Variants in TIMM23 observed in about 807,000 individuals in gnomAD.
TIMM23 encodes translocase of inner mitochondrial membrane 23, also known as mitochondrial import inner membrane translocase subunit Tim23.
TIMM23 carries 19 observed loss-of-function variants against 30.7 expected under a neutral mutation model. That is an observed-to-expected ratio of 0.62 (90% confidence interval 0.43 to 0.91). TIMM23 has a LOEUF of 0.91. Ranked by LOEUF, TIMM23 falls within the 40% of genes least tolerant of loss-of-function variation. The probability of loss-of-function intolerance (pLI) is 0.00; values close to 1 mark genes in which losing one functional copy is unlikely to be tolerated. For missense variants in TIMM23, 202 were observed against 269.2 expected, an observed-to-expected ratio of 0.75 and a Z score of 1.75; for synonymous variants, 78 against 98.5, an observed-to-expected ratio of 0.79 and a Z score of 1.23.
chr10:45,980,430 C>G (rs1343830705), intron 2 of TIMM23, among the ~76,000 whole-genome samples: 1 of 151,944 alleles, frequency 6.6e-6, no homozygotes, highest in African/African-American at 2.4e-5. Context: ...TGTAGTTTCT[C>G]TTACTAATGC....
chr10:46,002,180 T>G (rs1216843369), intron 6 of TIMM23, among the ~76,000 whole-genome samples: 1 of 152,010 alleles, frequency 6.6e-6, no homozygotes, highest in Non-Finnish European at 1.5e-5. Context: ...ATTATAGCTA[T>G]CTTACCACAT....
chr10:45,989,397 T>G (rs1838091226), intron 6 of TIMM23, among the ~76,000 whole-genome samples: 2 of 152,354 alleles, frequency 1.3e-5, no homozygotes, highest in Non-Finnish European at 2.9e-5. Context: ...ATATTTGGGT[T>G]GCTTCTACCT....
At chr10:45,990,613 G>A (rs1838138591) in intron 6 of TIMM23, 1 of 384,042 alleles carries the variant, frequency 2.6e-6, no homozygotes, top group Non-Finnish European at 5.0e-6. Context: ...ATCGGAGATG[G>A]GGTCTCACTG....
intron 6 of TIMM23, among the ~76,000 whole-genome samples, chr10:45,992,219 C>G (rs1838185910): frequency 6.6e-6 from 1 of 152,210 alleles, no homozygotes; most frequent in East Asian, 1.9e-4. Flanking sequence ...CCACCTCAGC[C>G]TCCTGAGTTG....
Position 45,972,688 on chromosome 10 carries a change from G to A in TIMM23, c.64G>A (p.Gly22Ser), listed in dbSNP as rs1554911981. ...GGGATTGGCCGGCTTTTTCGGAGCCGGCGGAGCAGGTTACTCGCACGCGGA... is the reference window on the plus strand; with the variant it reads ...GGGATTGGCCGGCTTTTTCGGAGCCAGCGGAGCAGGTTACTCGCACGCGGA... ...TGGLAGFFGAGGAGYSHADLA... is the reference protein window; with the variant it reads ...TGGLAGFFGASGAGYSHADLA... Residue 22 changes from glycine (G) to serine (S), a missense_variant, in exon 1 of 7, where the codon GGC (glycine) becomes AGC (serine). Physicochemically the swap from Gly to Ser is moderately conservative, Grantham distance 56. Transcript: ENST00000580018. 1 of 1,614,010 alleles carries A rather than the reference G, an allele frequency of 6.2e-7. No homozygotes were observed. Among genetic ancestry groups the A allele is most frequent in the Admixed American group, 1.7e-5 (1 of 60,022 alleles).
At chr10:45,993,503 G>T (rs1341174459) in intron 6 of TIMM23, among the ~76,000 whole-genome samples, 8 of 152,110 alleles carry the variant, frequency 5.3e-5, no homozygotes, top group Non-Finnish European at 1.2e-4. Flanking sequence ...GCAGTGAGCA[G>T]AGATCGCGCC....
intron 6 of TIMM23, among the ~76,000 whole-genome samples, chr10:46,000,840 C>A (rs1441101584): frequency 6.6e-6 from 1 of 152,204 alleles, no homozygotes; most frequent in African/African-American, 2.4e-5. Flanking sequence ...ATTGTGTTTT[C>A]AATTACCGGC....
chr10:45,976,850 A>G (rs1837688916), intron 2 of TIMM23, among the ~76,000 whole-genome samples: 1 of 152,218 alleles, frequency 6.6e-6, no homozygotes, highest in African/African-American at 2.4e-5. Context: ...TTTACAAATG[A>G]CATGATCTTA....
intron 2 of TIMM23, 53 bp from the exon 3 acceptor site, chr10:45,982,470 A>G: frequency 3.2e-6 from 5 of 1,585,780 alleles, no homozygotes; most frequent in African/African-American, 2.7e-5. Context: ...GCAACTTTAC[A>G]AGATTTGTGT....
intron 6 of TIMM23, among the ~76,000 whole-genome samples, chr10:45,998,642 T>C (rs1838418556): frequency 6.6e-6 from 1 of 152,114 alleles, no homozygotes; most frequent in South Asian, 2.1e-4. Flanking sequence ...AAGGCCACCC[T>C]TGAGTAAAGA....
Position 45,982,605 on chromosome 10 carries a change from G to A in TIMM23, c.248G>A (p.Cys83Tyr). 6.2e-7 allele frequency: 1 copy of A among 1,613,902 alleles called. No individual in the cohort carries two copies. Among genetic ancestry groups the A allele is most frequent in the South Asian group, 1.1e-5 (1 of 91,072 alleles). ...FELAFFTIGG[C>Y]CMTGAAFGAM... ...CTGGCCTTCTTTACGATTGGAGGAT[G>A]TTGCATGACAGGTGAGTGTTACATA... is the stretch of plus-strand genomic sequence containing the variant. Residue 83 changes from cysteine to tyrosine, a missense_variant, in exon 3 of 7, where the codon TGT becomes TAT. Transcript: ENST00000580018.
intron 2 of TIMM23, among the ~76,000 whole-genome samples, chr10:45,981,604 T>G (rs1291685257): frequency 6.6e-6 from 1 of 152,098 alleles, no homozygotes; most frequent in East Asian, 1.9e-4. Context: ...GTTTTCTGAT[T>G]AGGAATACAA....
At chr10:45,992,626 T>G in intron 6 of TIMM23, 1 of 420,934 alleles carries the variant, frequency 2.4e-6, no homozygotes, top group East Asian at 7.1e-5. Flanking sequence ...GGCACAATCT[T>G]GGCTCATTAC....
intron 6 of TIMM23, among the ~76,000 whole-genome samples, chr10:46,001,983 GT>G (rs1838552500): frequency 6.6e-6 from 1 of 152,096 alleles, no homozygotes; most frequent in Non-Finnish European, 1.5e-5. Flanking sequence ...TGAAATCCTT[GT>G]TGCTAATCTT....
intron 6 of TIMM23, among the ~76,000 whole-genome samples, chr10:45,991,319 G>T (rs1838157247): frequency 6.6e-6 from 1 of 152,244 alleles, no homozygotes; most frequent in South Asian, 2.1e-4. Flanking sequence ...TTTTTGGACA[G>T]AGGATTAGAA....
chr10:46,002,512 T>G, intron 6 of TIMM23: 1 of 984,722 alleles, frequency 1.0e-6, no homozygotes, highest in Non-Finnish European at 1.2e-6. Context: ...CCATCCAGAG[T>G]CCAAAGGTTG....
chr10:46,000,149 A>T, intron 6 of TIMM23, among the ~76,000 whole-genome samples: 1 of 152,200 alleles, frequency 6.6e-6, no homozygotes, highest in Non-Finnish European at 1.5e-5. Context: ...GACGACATAC[A>T]TCTTCCTCAG....
At chr10:45,997,214 A>T (rs1838367549) in intron 6 of TIMM23, among the ~76,000 whole-genome samples, 1 of 152,064 alleles carries the variant, frequency 6.6e-6, no homozygotes, top group Non-Finnish European at 1.5e-5. Flanking sequence ...CCTGTCTCCA[A>T]AAAAGAAAAA....
chr10:45,974,445 A>C (rs1554912553), intron 1 of TIMM23, among the ~76,000 whole-genome samples: 1 of 152,214 alleles, frequency 6.6e-6, no homozygotes, highest in African/African-American at 2.4e-5. Context: ...TCCTGAAACA[A>C]AACAAATTTG....
Sources: gnomAD v4.1 joint callset for allele counts (sites outside exome capture counted in the v4.1 genomes callset) on GRCh38, gnomAD v4.1.1 for gene constraint, MANE v1.5 for transcripts, NCBI Gene and HGNC (gene_info 2026-07-23, HGNC 2026-07-21) for gene names.